ZNRF1: variants seen among roughly 807,000 people sequenced by gnomAD.
ZNRF1 encodes E3 ubiquitin-protein ligase ZNRF1.
Under a neutral mutation model 18.4 loss-of-function variants are expected in ZNRF1, and 3 were observed. That is an observed-to-expected ratio of 0.16 (90% confidence interval 0.07 to 0.42). The LOEUF is 0.42. Among genes scored for constraint, ZNRF1 ranks in the 10% least tolerant of loss-of-function variants. The pLI, the probability that ZNRF1 is intolerant of heterozygous loss-of-function variation, is 0.99. For synonymous variants in ZNRF1, 157 were observed against 144.2 expected (o/e 1.09, Z -0.64); for missense variants, 310 against 329.8 (o/e 0.94, Z 0.47).
intron 3 of ZNRF1, chr16:75,105,093 G>T (rs1485002844): frequency 3.9e-6 from 2 of 507,922 alleles, no homozygotes; most frequent in Non-Finnish European, 7.2e-6. Flanking sequence ...GCAGAGTGGA[G>T]TTGCCAGAGG....
At chr16:75,073,132 C>CTA (rs1314284187) in intron 1 of ZNRF1, among the ~76,000 whole-genome samples, 2 of 129,410 alleles carry the variant, frequency 1.5e-5, no homozygotes, top group Non-Finnish European at 3.3e-5. Context: ...CTCTCTCTCT[C>CTA]TCTCTCTCTC....
intron 1 of ZNRF1, among the ~76,000 whole-genome samples, chr16:75,033,679 T>G (rs1222758481): frequency 6.6e-6 from 1 of 152,152 alleles, no homozygotes; most frequent in Non-Finnish European, 1.5e-5. Context: ...TCAAGTGATC[T>G]GTTTCCCTCG....
At chr16:75,006,669 C>T (rs1480392852) in intron 1 of ZNRF1, among the ~76,000 whole-genome samples, 2 of 152,170 alleles carry the variant, frequency 1.3e-5, no homozygotes, top group East Asian at 1.9e-4. Context: ...CTCCTGACCT[C>T]GGGTGATCCA....
At chr16:75,048,594 T>C (rs1457587650) in intron 1 of ZNRF1, among the ~76,000 whole-genome samples, 2 of 152,336 alleles carry the variant, frequency 1.3e-5, no homozygotes, top group African/African-American at 4.8e-5. Context: ...TTTCACTGAG[T>C]TGAAGAAATT....
intron 3 of ZNRF1, chr16:75,106,260 C>A: frequency 1.8e-6 from 1 of 559,618 alleles, no homozygotes; most frequent in Non-Finnish European, 3.2e-6. Context: ...TCCCCCTGAG[C>A]CGGTACTGCT....
intron 1 of ZNRF1, among the ~76,000 whole-genome samples, chr16:75,026,806 C>T (rs1420923080): frequency 3.3e-5 from 5 of 151,568 alleles, no homozygotes; most frequent in Non-Finnish European, 7.4e-5. Context: ...CGTGGTGGTG[C>T]GTGCCTTTAA....
rs71158570 is a variant in ZNRF1, at chr16:75,006,419, CTCAG to C, written c.424+6330_424+6333del. Among the ~76,000 whole-genome samples the C allele has an allele frequency of 4.5e-3, 687 of 152,144 alleles. 6 individuals are homozygous for C. The highest frequency in any genetic ancestry group is 7.7e-3 in the Non-Finnish European group (524 of 67,988). On this transcript the variant is annotated intron_variant, in intron 1 of 4. Coordinates refer to ENST00000335325, the MANE Select transcript of ZNRF1 (RefSeq NM_032268.5). ...GTTAGCCCAAAACCTAAATCTTAAC[CTCAG>C]TCAGTTTGTTTGTTTGTTTGTTTGT...
chr16:75,051,419 G>C (rs933013520), intron 1 of ZNRF1, among the ~76,000 whole-genome samples: 1 of 152,056 alleles, frequency 6.6e-6, no homozygotes, highest in Non-Finnish European at 1.5e-5. Context: ...ATGGTGGCCA[G>C]GGTGGTCTCA....
At chr16:75,066,583 A>G (rs1597891480) in intron 1 of ZNRF1, among the ~76,000 whole-genome samples, 1 of 152,090 alleles carries the variant, frequency 6.6e-6, no homozygotes, top group South Asian at 2.1e-4. Context: ...GGTTACCGCA[A>G]CCTCCACTTT....
chr16:75,030,267 T>A (rs2035284820), intron 1 of ZNRF1, among the ~76,000 whole-genome samples: 1 of 152,058 alleles, frequency 6.6e-6, no homozygotes, highest in Non-Finnish European at 1.5e-5. Context: ...GACCATTCAA[T>A]AGAGAAAGAA....
Position 75,010,719 on chromosome 16 carries a change from G to GTTT in ZNRF1, c.424+10635_424+10637dup, listed in dbSNP as rs71158572. 3.7e-3 allele frequency among the ~76,000 whole-genome samples: 318 copies of GTTT among 85,040 alleles called. 12 individuals carry two copies. The highest frequency in any genetic ancestry group is 5.7e-3 in the Non-Finnish European group (217 of 38,168). 55.8% of individuals were successfully genotyped at this position (85,040 alleles called of 152,430 possible). On this transcript the variant is annotated intron_variant, in intron 1 of 4. Coordinates refer to ENST00000335325, the MANE Select transcript of ZNRF1 (RefSeq NM_032268.5). ...CTGTACTGTTTTTTTTTGTTTTTTTGTTTTTTTTTTTTTGAGGAGTCTCGC... is the reference window on the plus strand; with the variant it reads ...CTGTACTGTTTTTTTTTGTTTTTTTGTTTTTTTTTTTTTTTTGAGGAGTCTCGC...
chr16:75,082,028 T>A (rs2036018298), intron 1 of ZNRF1, among the ~76,000 whole-genome samples: 2 of 152,226 alleles, frequency 1.3e-5, no homozygotes. Flanking sequence ...ACACTCATGC[T>A]GATGTTTTCA....
At chr16:75,040,798 G>T (rs1382466437) in intron 1 of ZNRF1, among the ~76,000 whole-genome samples, 1 of 151,460 alleles carries the variant, frequency 6.6e-6, no homozygotes, top group Non-Finnish European at 1.5e-5. Flanking sequence ...AGTAGAGATG[G>T]GGTTTCATCA....
chr16:75,066,986 C>A (rs1449708574), intron 1 of ZNRF1, among the ~76,000 whole-genome samples: 1 of 152,242 alleles, frequency 6.6e-6, no homozygotes, highest in East Asian at 1.9e-4. Context: ...GCGTTTTTGG[C>A]TTTTGAAGCC....
In ZNRF1 at chr16:75,108,443, A is replaced by AT. The variant is rs34340776; in HGVS notation, c.*753dup. 30,748 of 369,396 alleles carry AT rather than the reference A, an allele frequency of 0.083. 1,010 individuals carry two copies. The highest frequency in any genetic ancestry group is 0.15 in the Admixed American group (3,255 of 21,678). 22.9% of individuals were successfully genotyped at this position (369,396 alleles called of 1,614,324 possible). On this transcript the variant is annotated 3_prime_UTR_variant, in exon 5 of 5. Coordinates refer to ENST00000335325, the MANE Select transcript of ZNRF1 (RefSeq NM_032268.5). ...GAACATTATTCTTAGGCCCTCGTGG[A>AT]TTTTTTTTTTCAGAAAACTTAAACA...
intron 1 of ZNRF1, among the ~76,000 whole-genome samples, chr16:75,073,769 G>A (rs536457942): frequency 1.2e-4 from 19 of 152,130 alleles, no homozygotes; most frequent in African/African-American, 3.9e-4. Context: ...TCTGCTACCC[G>A]ACATGGTTCT....
chr16:75,028,493 C>T (rs1305688085), intron 1 of ZNRF1, among the ~76,000 whole-genome samples: 1 of 152,240 alleles, frequency 6.6e-6, no homozygotes, highest in Non-Finnish European at 1.5e-5. Context: ...TGGGGTTTCA[C>T]CATGTTGGCC....
At chr16:75,061,362 T>C (rs1051391598) in intron 1 of ZNRF1, among the ~76,000 whole-genome samples, 3 of 151,732 alleles carry the variant, frequency 2.0e-5, no homozygotes, top group Admixed American at 6.6e-5. Context: ...ATGAATTCAA[T>C]TGTTTTGGTT....
At chr16:75,041,420 C>G (rs987437776) in intron 1 of ZNRF1, among the ~76,000 whole-genome samples, 2 of 152,150 alleles carry the variant, frequency 1.3e-5, no homozygotes. Flanking sequence ...GCCTCTGCCT[C>G]CTGGGTTCAA....
Sources: allele counts gnomAD v4.1 joint callset (sites outside exome capture counted in the v4.1 genomes callset), GRCh38; gene constraint gnomAD v4.1.1; transcripts MANE v1.5; gene names NCBI Gene and HGNC (gene_info 2026-07-23, HGNC 2026-07-21).